The following FAM3B variants were observed in gnomAD, a reference collection of about 807,000 sequenced individuals.
FAM3B encodes protein FAM3B.
In FAM3B, 29 loss-of-function variants were observed where a neutral mutation model predicts 28.4. That is an observed-to-expected ratio of 1.02 (90% CI 0.76 to 1.39). FAM3B has a LOEUF of 1.39. FAM3B is among the 40% of genes most tolerant of loss of function. The probability of loss-of-function intolerance (pLI) is 0.00; values close to 1 mark genes in which losing one functional copy is unlikely to be tolerated. For synonymous variants in FAM3B, 91 were observed against 103.0 expected, an observed-to-expected ratio of 0.88 and a Z score of 0.71; for missense variants, 266 against 293.9, an observed-to-expected ratio of 0.91 and a Z score of 0.69.
chr21:41,341,807 A>T (rs2089009403), intron 3 of FAM3B, among the ~76,000 whole-genome samples: 1 of 152,218 alleles, frequency 6.6e-6, no homozygotes, highest in South Asian at 2.1e-4. Context: ...GCACATGCAC[A>T]TACATTTTTG....
intron 1 of FAM3B, among the ~76,000 whole-genome samples, chr21:41,322,162 T>C (rs765380583): frequency 2.5e-4 from 38 of 152,018 alleles, no homozygotes; most frequent in Non-Finnish European, 4.7e-4. Flanking sequence ...GCCCTGGCCA[T>C]GGGTTGCCAA....
chr21:41,344,424 G>C (rs1226776684), intron 3 of FAM3B, 52 bp from the exon 4 acceptor site: 5 of 1,536,112 alleles, frequency 3.3e-6, no homozygotes, highest in South Asian at 2.2e-5. Context: ...TTCGCGGAGC[G>C]GGGAGAGTCG....
chr21:41,312,722 A>T (rs13051157), upstream of FAM3B, among the ~76,000 whole-genome samples: 25 of 148,324 alleles, frequency 1.7e-4, no homozygotes, highest in Non-Finnish European at 1.6e-4. Context: ...TGTGTGTGAG[A>T]GTGTGTGTGT....
intron 2 of FAM3B, among the ~76,000 whole-genome samples, chr21:41,330,068 ATTG>A (rs1568915801): frequency 1.3e-5 from 2 of 150,202 alleles, no homozygotes; most frequent in African/African-American, 2.4e-5. Context: ...TATATTGTTA[ATTG>A]TTGTTAATCT....
chr21:41,312,234 A>C (rs1424673010), upstream of FAM3B, among the ~76,000 whole-genome samples: 1 of 152,208 alleles, frequency 6.6e-6, no homozygotes. Context: ...TGTTAAAATT[A>C]ATTGCTCTAT....
intron 7 of FAM3B, among the ~76,000 whole-genome samples, chr21:41,355,398 T>C (rs571980489): frequency 2.8e-4 from 42 of 152,284 alleles, no homozygotes; most frequent in African/African-American, 1.0e-3. Flanking sequence ...TTATTTATAA[T>C]AGCCAAAAAA....
At chr21:41,306,237 A>C (rs562815083) in intron 1 of FAM3B, among the ~76,000 whole-genome samples, 2 of 152,350 alleles carry the variant, frequency 1.3e-5, no homozygotes, top group South Asian at 4.1e-4. Flanking sequence ...CTGAAGTTAC[A>C]CTGAAGTCTT....
chr21:41,344,390 A>T (rs902950508), intron 3 of FAM3B, 86 bp from the exon 4 acceptor site: 6 of 1,251,634 alleles, frequency 4.8e-6, no homozygotes, highest in Non-Finnish European at 7.0e-6. Flanking sequence ...AGCAGATGAG[A>T]CTGACATTTG....
intron 2 of FAM3B, among the ~76,000 whole-genome samples, chr21:41,331,861 T>G (rs540498590): frequency 1.3e-5 from 2 of 152,194 alleles, no homozygotes; most frequent in Non-Finnish European, 2.9e-5. Flanking sequence ...ATCATACAGT[T>G]TTTGTCCTTC....
chr21:41,347,156 G>A, intron 6 of FAM3B, 56 bp downstream of exon 6: 1 of 1,459,268 alleles, frequency 6.9e-7, no homozygotes, highest in South Asian at 1.1e-5. Flanking sequence ...CTGGGGCAGA[G>A]GCTGCCAGGG....
At chr21:41,325,152 A>T (rs991408406) in intron 2 of FAM3B, among the ~76,000 whole-genome samples, 4 of 152,212 alleles carry the variant, frequency 2.6e-5, no homozygotes, top group Non-Finnish European at 5.9e-5. Flanking sequence ...CATTTGGAAT[A>T]CAACTCCAAT....
rs181384378 is a variant in FAM3B at position 41,328,381 on chromosome 21, A to G, written c.163+5315A>G. 2.1e-4 allele frequency among the ~76,000 whole-genome samples: 32 copies of G among 152,334 alleles called. No homozygotes were observed. The East Asian group carries it at 6.2e-3, about 29-fold the overall frequency. On this transcript the variant is annotated intron_variant, in intron 2 of 7. Transcript: ENST00000357985. ...ATGAGTATAATTATTAAATTGAAAA[A>G]AGGTACTAAAGACAGAGTGTCCAAA...
intron 3 of FAM3B, 85 bp downstream of exon 3, chr21:41,338,586 C>A: frequency 6.4e-7 from 1 of 1,555,158 alleles, no homozygotes; most frequent in Non-Finnish European, 8.7e-7. Flanking sequence ...GCAGTTCTGC[C>A]CACAGGAGAG....
chr21:41,335,611 C>T (rs1421944173), intron 2 of FAM3B, among the ~76,000 whole-genome samples: 1 of 152,210 alleles, frequency 6.6e-6, no homozygotes, highest in Non-Finnish European at 1.5e-5. Context: ...TAGCACCATG[C>T]TTCCTTTACA....
chr21:41,330,150 A>T (rs991223166), intron 2 of FAM3B, among the ~76,000 whole-genome samples: 3 of 151,606 alleles, frequency 2.0e-5, no homozygotes, highest in Non-Finnish European at 4.4e-5. Context: ...AAAAAAAAAA[A>T]ACATAATACA....
chr21:41,355,651 A>G (rs1456551124), intron 7 of FAM3B, among the ~76,000 whole-genome samples: 1 of 152,180 alleles, frequency 6.6e-6, no homozygotes, highest in African/African-American at 2.4e-5. Context: ...CAGAGTCAGA[A>G]AGGAGATTCG....
At chr21:41,317,253 C>G (rs1459896672) in intron 1 of FAM3B, among the ~76,000 whole-genome samples, 1 of 150,444 alleles carries the variant, frequency 6.6e-6, no homozygotes, top group Non-Finnish European at 1.5e-5. Flanking sequence ...GCCCCGCACC[C>G]CCACCCCCCA....
At chr21:41,327,714 C>T (rs1169311852) in intron 2 of FAM3B, among the ~76,000 whole-genome samples, 4 of 152,228 alleles carry the variant, frequency 2.6e-5, no homozygotes, top group Non-Finnish European at 5.9e-5. Flanking sequence ...ACCATTTGCT[C>T]ACTTGTAATA....
At chr21:41,304,658 G>A (rs2088672852) in intron 1 of FAM3B, among the ~76,000 whole-genome samples, 1 of 152,292 alleles carries the variant, frequency 6.6e-6, no homozygotes, top group Admixed American at 6.5e-5. Context: ...GCACTCAGGA[G>A]CCCCCGACCC....
Sources: gnomAD v4.1 joint callset for allele counts (sites outside exome capture counted in the v4.1 genomes callset) on GRCh38, gnomAD v4.1.1 for gene constraint, MANE v1.5 for transcripts, NCBI Gene and HGNC (gene_info 2026-07-23, HGNC 2026-07-21) for gene names.